Variants in ADGRL2 observed in about 807,000 individuals in gnomAD.
ADGRL2 encodes the protein adhesion G protein-coupled receptor L2, also known as calcium-independent alpha-latrotoxin receptor 2.
A neutral mutation model predicts 157.4 loss-of-function variants in ADGRL2; 44 were observed. The ratio of observed to expected loss-of-function variants is 0.28; its 90% CI spans 0.22 to 0.36. ADGRL2 has a LOEUF of 0.36. Among genes scored for constraint, ADGRL2 ranks in the 10% least tolerant of loss-of-function variants. ADGRL2 has a pLI of 1.00. For missense variants in ADGRL2, 1,510 were observed against 1,768.9 expected, an observed-to-expected ratio of 0.85 and a Z score of 2.63; for synonymous variants, 585 against 624.7, an observed-to-expected ratio of 0.94 and a Z score of 0.95.
rs1313425103 is a variant in ADGRL2 at position 81,724,957 on chromosome 1, G to C, written c.-143+25149G>C. Among the ~76,000 whole-genome samples the C allele has an allele frequency of 2.0e-5, 3 of 152,156 alleles. No individual in the cohort carries two copies. In the East Asian group the frequency reaches 5.8e-4, roughly 29 times the overall value. On this transcript the variant is annotated intron_variant, in intron 1 of 20. Transcript: ENST00000359929. ...ACGGTGGCTCACGCCTGTAATCCCAGCACTTCGGGAGGCCGAGGCAGGTGG... is the reference window on the plus strand; with the variant it reads ...ACGGTGGCTCACGCCTGTAATCCCACCACTTCGGGAGGCCGAGGCAGGTGG...
intron 1 of ADGRL2, among the ~76,000 whole-genome samples, chr1:81,335,201 G>T (rs1557605486): frequency 6.6e-6 from 1 of 152,044 alleles, no homozygotes; most frequent in African/African-American, 2.4e-5. Context: ...TTTAATATTT[G>T]CATATGCTTC....
intron 3 of ADGRL2, among the ~76,000 whole-genome samples, chr1:81,597,284 A>G (rs1047714351): frequency 8.5e-5 from 13 of 152,156 alleles, no homozygotes; most frequent in African/African-American, 3.1e-4. Context: ...CCTATCTTAC[A>G]TATTACTTTC....
intron 1 of ADGRL2, among the ~76,000 whole-genome samples, chr1:81,813,922 G>A (rs2090128420): frequency 6.6e-6 from 1 of 151,606 alleles, no homozygotes; most frequent in African/African-American, 2.4e-5. Flanking sequence ...ACTTCTGTGA[G>A]GTTACTGGAA....
At chr1:81,460,801 A>T (rs992723862) in intron 2 of ADGRL2, among the ~76,000 whole-genome samples, 1 of 152,248 alleles carries the variant, frequency 6.6e-6, no homozygotes, top group East Asian at 1.9e-4. Flanking sequence ...GGCAAAAGGC[A>T]TGGAAGGACA....
At chr1:81,690,924 G>A (rs2083320185) in intron 3 of ADGRL2, among the ~76,000 whole-genome samples, 1 of 152,204 alleles carries the variant, frequency 6.6e-6, no homozygotes, top group African/African-American at 2.4e-5. Context: ...AGCTACAGCT[G>A]CAGAAATAAA....
intron 3 of ADGRL2, among the ~76,000 whole-genome samples, chr1:81,931,226 T>G (rs762816729): frequency 8.2e-4 from 125 of 152,174 alleles, no homozygotes; most frequent in Non-Finnish European, 1.4e-3. Flanking sequence ...AAAGCAAGAC[T>G]TTTGGATTTT....
chr1:81,683,692 T>C (rs1231078403), intron 3 of ADGRL2, among the ~76,000 whole-genome samples: 2 of 152,178 alleles, frequency 1.3e-5, no homozygotes, highest in East Asian at 3.9e-4. Context: ...CGTATGTATA[T>C]ATATATATCA....
At chr1:81,628,604 A>T (rs1416666947) in intron 3 of ADGRL2, among the ~76,000 whole-genome samples, 1 of 152,158 alleles carries the variant, frequency 6.6e-6, no homozygotes. Flanking sequence ...CAAGCCCTAA[A>T]CTACCTATTT....
At chr1:81,798,629 C>T (rs2149445035), upstream of ADGRL2, among the ~76,000 whole-genome samples, 1 of 152,202 alleles carries the variant, frequency 6.6e-6, no homozygotes, top group East Asian at 1.9e-4. Flanking sequence ...CAAGCATCCT[C>T]CTTTTTTGTG....
In ADGRL2 at chr1:81,393,255, A is replaced by G. The variant is rs576305729; in HGVS notation, c.-301-51781A>G. On this transcript the variant is annotated intron_variant, in intron 1 of 24. Transcript: ENST00000370721. ...AATTCTCAGCAAGCGATATTTAAAC[A>G]TCCCCAGTTGCCTCTATCACTTTGG... Among the ~76,000 whole-genome samples, 4 of 152,096 alleles carry G rather than the reference A, an allele frequency of 2.6e-5. No homozygotes were observed. In the South Asian group the frequency reaches 8.3e-4, roughly 32 times the overall value.
chr1:81,689,890 C>T (rs17106912), intron 3 of ADGRL2, among the ~76,000 whole-genome samples: 4,336 of 152,236 alleles, frequency 0.028, 74 homozygotes, highest in South Asian at 0.055. Context: ...GTTTTCACAA[C>T]GCCCTCTCAT....
chr1:81,640,789 C>T (rs1045128331), intron 3 of ADGRL2, among the ~76,000 whole-genome samples: 2 of 152,030 alleles, frequency 1.3e-5, no homozygotes, highest in African/African-American at 4.8e-5. Context: ...AACTGCTATC[C>T]AACCTTCCAA....
intron 2 of ADGRL2, among the ~76,000 whole-genome samples, chr1:81,559,279 G>T (rs12097763): frequency 0.084 from 12,702 of 152,036 alleles, 912 homozygotes; most frequent in African/African-American, 0.2. Context: ...AAAATTAATG[G>T]TATAGGTATA....
At chr1:81,602,748 A>G (rs1431275610) in intron 3 of ADGRL2, among the ~76,000 whole-genome samples, 1 of 151,386 alleles carries the variant, frequency 6.6e-6, no homozygotes, top group African/African-American at 2.4e-5. Context: ...AGAATACAAA[A>G]CTAGCCAGAC....
At chr1:81,984,236 T>C (rs576727146) in intron 19 of ADGRL2, 1 of 157,010 alleles carries the variant, frequency 6.4e-6, no homozygotes, top group Non-Finnish European at 1.4e-5. Flanking sequence ...TGTCCTGTTT[T>C]CTTAGCATAA....
At chr1:81,427,173 G>A (rs76757796) in intron 1 of ADGRL2, 93,444 of 963,980 alleles carry the variant, frequency 0.097, 4,941 homozygotes, top group African/African-American at 0.13. Context: ...GGAAACTTTC[G>A]AGGTGGTGGA....
chr1:81,425,717 G>T (rs1297692123), intron 1 of ADGRL2, among the ~76,000 whole-genome samples: 2 of 152,080 alleles, frequency 1.3e-5, no homozygotes, highest in Non-Finnish European at 2.9e-5. Flanking sequence ...TTTGTCAATT[G>T]CTTCAAGATC....
At chr1:81,565,761 C>G (rs552929830) in intron 2 of ADGRL2, among the ~76,000 whole-genome samples, 1 of 152,260 alleles carries the variant, frequency 6.6e-6, no homozygotes, top group South Asian at 2.1e-4. Context: ...AGCCTTTCTT[C>G]TTTAGTGGCC....
rs1408289020 is a variant in ADGRL2 at position 81,966,471 on chromosome 1, C to T, written c.2211C>T (p.Thr737=). Reference sequence around the variant, plus strand: ...AGTTCCTTAGTACAGAAAATGCAACCATTAAACTGGGTGCTGATTTTATTG... The same window carrying T: ...AGTTCCTTAGTACAGAAAATGCAACTATTAAACTGGGTGCTGATTTTATTG... ...LGQFLSTENA[T]IKLGADFIGR... The change falls in exon 13 of 24, where the codon ACC becomes ACT. Residue 737 remains threonine, a synonymous_variant. Coordinates refer to ENST00000686636, the MANE Select transcript of ADGRL2 (RefSeq NM_001366006.2). 6.2e-7 allele frequency: 1 copy of T among 1,614,006 alleles called. No homozygotes were observed. The highest frequency in any genetic ancestry group is 8.5e-7 in the Non-Finnish European group (1 of 1,179,972).
Sources: allele counts gnomAD v4.1 joint callset (sites outside exome capture counted in the v4.1 genomes callset), GRCh38; gene constraint gnomAD v4.1.1; transcripts MANE v1.5; gene names NCBI Gene and HGNC (gene_info 2026-07-23, HGNC 2026-07-21).